Variants in CDC25C observed in about 807,000 individuals in gnomAD.
CDC25C encodes cell division cycle 25C.
A neutral mutation model predicts 52.5 loss-of-function variants in CDC25C; 48 were observed. The ratio of observed to expected loss-of-function variants is 0.91; its 90% CI spans 0.72 to 1.16. CDC25C has a LOEUF of 1.16. Ranked by LOEUF, CDC25C falls within the 50% of genes most tolerant of loss-of-function variation. The pLI is 0.00. For synonymous variants in CDC25C, 187 were observed against 206.5 expected (o/e 0.91, Z 0.81); for missense variants, 510 against 566.1 (o/e 0.90, Z 1.01).
intron 6 of CDC25C, among the ~76,000 whole-genome samples, chr5:138,320,915 CAAAAAAAAAA>C (rs57923567): frequency 1.4e-4 from 6 of 42,258 alleles, no homozygotes; most frequent in Non-Finnish European, 1.9e-4. Context: ...GACTCTGTCT[CAAAAAAAAAA>C]AAAAAAAAAA....
chr5:138,293,059 A>G (rs1446180484), intron 7 of CDC25C, among the ~76,000 whole-genome samples: 1 of 152,174 alleles, frequency 6.6e-6, no homozygotes, highest in East Asian at 1.9e-4. Flanking sequence ...AAGAATAACA[A>G]CATTTTGCTT....
intron 7 of CDC25C, among the ~76,000 whole-genome samples, chr5:138,311,290 A>C (rs1269231183): frequency 1.3e-5 from 2 of 152,160 alleles, no homozygotes; most frequent in East Asian, 3.9e-4. Flanking sequence ...TAACTATAAA[A>C]CTCTTTAAAG....
intron 7 of CDC25C, among the ~76,000 whole-genome samples, chr5:138,292,704 C>T (rs752295834): frequency 6.6e-6 from 1 of 152,152 alleles, no homozygotes; most frequent in East Asian, 1.9e-4. Context: ...AAAAGTGGCT[C>T]AAACGTCATG....
Position 138,292,130 on chromosome 5 carries a change from T to G in CDC25C, c.616-14A>C. On this transcript the variant is annotated splice_polypyrimidine_tract_variant and intron_variant, in intron 7 of 13. Transcript: ENST00000323760. The stretch of plus-strand genomic sequence containing the variant: ...ACTTCTGCTCACCTGTTTGGGAATA[T>G]TAAACCCCCTAGTTCTTACTCCTCC... The G allele has an allele frequency of 6.2e-7, 1 of 1,607,840 alleles. No homozygotes were observed. Among genetic ancestry groups the G allele is most frequent in the African/African-American group, 1.3e-5 (1 of 74,802 alleles).
chr5:138,321,109 C>A lies in CDC25C; in HGVS notation c.460-1735G>T, dbSNP rs530747665. The stretch of plus-strand genomic sequence containing the variant: ...GACCTCACACACACACATGAAAGGA[C>A]AAAATATAATATTATTCTACTCATA... On this transcript the variant is annotated intron_variant, in intron 6 of 13. Coordinates refer to ENST00000323760, the MANE Select transcript of CDC25C (RefSeq NM_001790.5). 2.7e-4 allele frequency among the ~76,000 whole-genome samples: 41 copies of A among 151,604 alleles called. 1 individual carries two copies. Among genetic ancestry groups the A allele is most frequent in the Admixed American group, 2.5e-3 (38 of 15,182 alleles).
In CDC25C at chr5:138,329,548, C is replaced by T. The variant is rs371795347; in HGVS notation, c.289+5G>A. The T allele has an allele frequency of 3.2e-6, 5 of 1,572,580 alleles. No individual in the cohort carries two copies. The African/African-American group carries it at 6.8e-5, about 21-fold the overall frequency. On this transcript the variant is annotated splice_donor_5th_base_variant and intron_variant, in intron 3 of 13. Coordinates refer to ENST00000323760, the MANE Select transcript of CDC25C (RefSeq NM_001790.5). ...CTTTGAGGCCTTTATCTCCCTTCTC[C>T]CTACCAGTTTCATCAAGGTCTGCAG...
rs767868163 is a variant in CDC25C, at chr5:138,331,098, A to C, written c.83T>G (p.Met28Arg). The change falls in exon 2 of 14, where the codon ATG becomes AGG. Residue 28 changes from methionine (M) to arginine (R), a missense_variant. By Grantham distance (91) the Met-to-Arg change is moderately conservative. Transcript: ENST00000323760. Reference sequence around the variant, plus strand: ...GTCTCTCTCCAGGAGCAGGTTTAACATTTTCCTTTGATTAGACCTAAAACT... The same window carrying C: ...GTCTCTCTCCAGGAGCAGGTTTAACCTTTTCCTTTGATTAGACCTAAAACT... Reference protein sequence around the residue: ...GPSFRSNQRKMLNLLLERDTS... With the variant: ...GPSFRSNQRKRLNLLLERDTS... 2 of 1,614,066 alleles carry C rather than the reference A, an allele frequency of 1.2e-6. No homozygotes were observed. Among genetic ancestry groups the C allele is most frequent in the East Asian group, 4.5e-5 (2 of 44,892 alleles).
chr5:138,325,290 GA>G (rs1759760268), intron 6 of CDC25C, among the ~76,000 whole-genome samples: 1 of 152,140 alleles, frequency 6.6e-6, no homozygotes, highest in Non-Finnish European at 1.5e-5. Context: ...ATTAGATACA[GA>G]ACTATCTTAG....
intron 6 of CDC25C, among the ~76,000 whole-genome samples, chr5:138,323,276 A>ATG (rs113707442): frequency 0.015 from 2,324 of 152,024 alleles, 66 homozygotes; most frequent in African/African-American, 0.052. Context: ...CCATGTATGT[A>ATG]TGTGTGTGTG....
At chr5:138,321,634 C>T (rs1166426149) in intron 6 of CDC25C, among the ~76,000 whole-genome samples, 1 of 151,456 alleles carries the variant, frequency 6.6e-6, no homozygotes, top group African/African-American at 2.4e-5. Flanking sequence ...CGCCTATAGT[C>T]CCAGCTACTG....
intron 7 of CDC25C, among the ~76,000 whole-genome samples, chr5:138,304,155 T>C (rs1297573673): frequency 3.3e-5 from 5 of 152,074 alleles, no homozygotes; most frequent in South Asian, 2.1e-4. Flanking sequence ...AATATATATA[T>C]CTATGTATCT....
intron 10 of CDC25C, among the ~76,000 whole-genome samples, chr5:138,288,195 C>T (rs980541004): frequency 8.5e-5 from 13 of 152,066 alleles, no homozygotes; most frequent in African/African-American, 2.4e-4. Context: ...CCTGCCTCAG[C>T]CTCCCGAGTA....
intron 7 of CDC25C, among the ~76,000 whole-genome samples, chr5:138,313,379 C>CAAAAA (rs774904685): frequency 1.4e-4 from 5 of 36,938 alleles, no homozygotes; most frequent in Non-Finnish European, 2.3e-4. Context: ...CTATATCTCA[C>CAAAAA]AAAAAAAAAA....
At chr5:138,292,498 A>C (rs964982794) in intron 7 of CDC25C, among the ~76,000 whole-genome samples, 4 of 151,712 alleles carry the variant, frequency 2.6e-5, no homozygotes, top group African/African-American at 7.3e-5. Context: ...AAAAAAAAAA[A>C]AAAAACATAA....
At chr5:138,332,347 C>T (rs977640274), upstream of CDC25C, among the ~76,000 whole-genome samples, 1 of 152,004 alleles carries the variant, frequency 6.6e-6, no homozygotes, top group Non-Finnish European at 1.5e-5. Flanking sequence ...TGGGGCGAGA[C>T]GGGTGTGTGT....
At chr5:138,318,533 G>A (rs1759083749) in intron 7 of CDC25C, among the ~76,000 whole-genome samples, 3 of 151,962 alleles carry the variant, frequency 2.0e-5, no homozygotes, top group African/African-American at 7.2e-5. Flanking sequence ...GGCCAACATG[G>A]TGAAACCCTG....
At chr5:138,329,521 C>A in intron 3 of CDC25C, 32 bp downstream of exon 3, 1 of 1,288,536 alleles carries the variant, frequency 7.8e-7, no homozygotes, top group South Asian at 1.2e-5. Context: ...AGTTATTCTT[C>A]CCTTTGAGGC....
intron 7 of CDC25C, among the ~76,000 whole-genome samples, chr5:138,304,820 T>C (rs1001252484): frequency 5.3e-5 from 8 of 152,086 alleles, no homozygotes; most frequent in South Asian, 4.1e-4. Context: ...TTCCAACTCT[T>C]AATCCTTTCT....
At chr5:138,330,260 G>A (rs528729455) in intron 2 of CDC25C, among the ~76,000 whole-genome samples, 16 of 151,634 alleles carry the variant, frequency 1.1e-4, no homozygotes, top group South Asian at 4.2e-4. Context: ...CCACATTCCC[G>A]GTCCTGAGCA....
Sources: gnomAD v4.1 joint callset for allele counts (sites outside exome capture counted in the v4.1 genomes callset) on GRCh38, gnomAD v4.1.1 for gene constraint, MANE v1.5 for transcripts, NCBI Gene and HGNC (gene_info 2026-07-23, HGNC 2026-07-21) for gene names.